ANXA5: variants seen among roughly 807,000 people sequenced by gnomAD.
ANXA5 encodes annexin A5.
ANXA5 carries 40 observed loss-of-function variants against 48.1 expected under a neutral mutation model. The ratio of observed to expected loss-of-function variants is 0.83; its 90% CI spans 0.65 to 1.08. The LOEUF (loss-of-function observed/expected upper bound fraction) is 1.08. Among genes scored for constraint, ANXA5 ranks in the 50% least tolerant of loss-of-function variants. The pLI is 0.00. For missense variants in ANXA5, 357 were observed against 376.8 expected (o/e 0.95, Z 0.44); for synonymous variants, 113 against 129.1 (o/e 0.88, Z 0.85).
At chr4:121,691,350 A>T (rs1047096307) in intron 2 of ANXA5, among the ~76,000 whole-genome samples, 7 of 152,138 alleles carry the variant, frequency 4.6e-5, no homozygotes, top group Admixed American at 1.3e-4. Context: ...AAGACCAACC[A>T]AACAACAAGG....
chr4:121,677,642 C>CA lies in ANXA5; in HGVS notation c.531+251dup, dbSNP rs547946534. 1.1e-3 allele frequency among the ~76,000 whole-genome samples: 164 copies of CA among 149,784 alleles called. 1 individual carries two copies. Among genetic ancestry groups the CA allele is most frequent in the African/African-American group, 3.1e-3 (128 of 40,874 alleles). On this transcript the variant is annotated intron_variant, in intron 8 of 12. Transcript: ENST00000296511. Reference sequence around the variant, plus strand: ...CTATTTTGTGAATGTTCAATAATCACAAAAAAAAACATGTCTAGTTGGAAC... The same window carrying CA: ...CTATTTTGTGAATGTTCAATAATCACAAAAAAAAAACATGTCTAGTTGGAAC...
chr4:121,695,573 T>C (rs2110494351), intron 2 of ANXA5, among the ~76,000 whole-genome samples: 1 of 152,348 alleles, frequency 6.6e-6, no homozygotes, highest in Middle Eastern at 3.4e-3. Flanking sequence ...ATGGTCAATA[T>C]TTAAAGACCT....
In ANXA5 at chr4:121,677,929, C is replaced by T. The variant is rs778739057; in HGVS notation, c.496G>A (p.Gly166Arg). 26 of 1,613,790 alleles carry T rather than the reference C, an allele frequency of 1.6e-5. No homozygotes were observed. The highest frequency in any genetic ancestry group is 2.1e-5 in the Non-Finnish European group (25 of 1,179,770). The change falls in exon 8 of 13, where the codon GGA (glycine) becomes AGA (arginine). Residue 166 changes from glycine (G) to arginine (R), a missense_variant. Coordinates refer to ENST00000296511, the MANE Select transcript of ANXA5 (RefSeq NM_001154.4). ...TGTTCAACTTGAGCTTCATCAATTCCAGCATCAGGGTCTCTGTTAGCCTAT... is the reference window on the plus strand; with the variant it reads ...TGTTCAACTTGAGCTTCATCAATTCTAGCATCAGGGTCTCTGTTAGCCTAT... ...LLQANRDPDA[G>R]IDEAQVEQDA...
chr4:121,695,739 C>T (rs1025796413), intron 2 of ANXA5, among the ~76,000 whole-genome samples: 2 of 151,954 alleles, frequency 1.3e-5, no homozygotes, highest in African/African-American at 4.8e-5. Context: ...CCCGCCTCTA[C>T]TAAAAATACA....
chr4:121,671,515 C>T, intron 10 of ANXA5, 32 bp downstream of exon 10: 1 of 1,523,882 alleles, frequency 6.6e-7, no homozygotes, highest in Non-Finnish European at 9.1e-7. Flanking sequence ...GCTCTTACCA[C>T]CAAAAATATC....
intron 2 of ANXA5, among the ~76,000 whole-genome samples, chr4:121,694,112 G>C (rs1309428217): frequency 7.3e-5 from 8 of 110,014 alleles, no homozygotes; most frequent in Admixed American, 3.5e-4. Flanking sequence ...CGGGGGGGAG[G>C]GGGGAGGGAT....
chr4:121,681,781 G>C lies in ANXA5; in HGVS notation c.304-20C>G, dbSNP rs757431471. Reference sequence around the variant, plus strand: ...AGCTCCCTGTTTGGAGATTTTAATAGAGAAAACATGTCAATAAGATTAAAA... The same window carrying C: ...AGCTCCCTGTTTGGAGATTTTAATACAGAAAACATGTCAATAAGATTAAAA... On this transcript the variant is annotated intron_variant, in intron 5 of 12. Transcript: ENST00000296511. 2 of 1,524,726 alleles carry C rather than the reference G, an allele frequency of 1.3e-6. No individual in the cohort carries two copies. The highest frequency in any genetic ancestry group is 9.1e-7 in the Non-Finnish European group (1 of 1,102,890). 94.4% of individuals were successfully genotyped at this position (1,524,726 alleles called of 1,614,324 possible).
intron 5 of ANXA5, among the ~76,000 whole-genome samples, chr4:121,682,976 TA>T (rs1445152962): frequency 6.6e-5 from 10 of 152,204 alleles, no homozygotes; most frequent in Non-Finnish European, 1.2e-4. Context: ...TCTGAAGCTT[TA>T]CCTTTTAACC....
At chr4:121,674,563 G>C (rs1216298176) in intron 8 of ANXA5, among the ~76,000 whole-genome samples, 1 of 152,096 alleles carries the variant, frequency 6.6e-6, no homozygotes, top group East Asian at 1.9e-4. Context: ...TTCTCTAGTA[G>C]GTACAGGAGT....
rs1350661075 is a variant in ANXA5, at chr4:121,668,030, T to A, written c.*438A>T. 1.3e-5 allele frequency: 2 copies of A among 153,726 alleles called. No individual in the cohort carries two copies. Among genetic ancestry groups the A allele is most frequent in the Non-Finnish European group, 2.9e-5 (2 of 69,166 alleles). The allele number at this position is 153,726 out of a possible 1,614,324, so 9.5% of individuals were successfully genotyped here. A position where few individuals can be genotyped will look rare whatever the true frequency, so the allele number is the denominator to read the frequency against. On this transcript the variant is annotated 3_prime_UTR_variant, in exon 13 of 13. Coordinates refer to ENST00000296511, the MANE Select transcript of ANXA5 (RefSeq NM_001154.4). ...GACAGAAATGTTTATTTTTCATTAA[T>A]CTTTTGAATACAATCATCATAATTT...
At chr4:121,692,992 G>C (rs1298482468) in intron 2 of ANXA5, among the ~76,000 whole-genome samples, 1 of 152,206 alleles carries the variant, frequency 6.6e-6, no homozygotes, top group Non-Finnish European at 1.5e-5. Context: ...CCAGCACTTT[G>C]GGAGGCCGAG....
chr4:121,678,032 C>A, intron 7 of ANXA5, 82 bp from the exon 8 acceptor site: 1 of 991,570 alleles, frequency 1.0e-6, no homozygotes, highest in South Asian at 1.3e-5. Flanking sequence ...GATGGTTATT[C>A]AATAACACTC....
At chr4:121,681,794 A>T in intron 5 of ANXA5, 33 bp from the exon 6 acceptor site, 1 of 1,464,596 alleles carries the variant, frequency 6.8e-7, no homozygotes, top group Non-Finnish European at 9.5e-7. Context: ...AAAACATGTC[A>T]ATAAGATTAA....
intron 8 of ANXA5, among the ~76,000 whole-genome samples, chr4:121,677,226 G>A: frequency 6.6e-6 from 1 of 152,284 alleles, no homozygotes; most frequent in African/African-American, 2.4e-5. Flanking sequence ...TGACCAGAAA[G>A]AGGTCTATGA....
At chr4:121,676,988 G>A (rs774423474) in intron 8 of ANXA5, among the ~76,000 whole-genome samples, 8 of 152,064 alleles carry the variant, frequency 5.3e-5, no homozygotes, top group South Asian at 2.1e-4. Context: ...GAGAGCCCTC[G>A]GTAAACATTC....
intron 2 of ANXA5, among the ~76,000 whole-genome samples, chr4:121,687,786 A>C (rs142223446): frequency 2.7e-4 from 41 of 152,298 alleles, no homozygotes; most frequent in African/African-American, 9.4e-4. Context: ...AGATAGTGAC[A>C]AAGACTCTCC....
chr4:121,667,983 A>G lies in ANXA5; in HGVS notation c.*485T>C, dbSNP rs1236356952. On this transcript the variant is annotated 3_prime_UTR_variant, in exon 13 of 13. Coordinates refer to ENST00000296511, the MANE Select transcript of ANXA5 (RefSeq NM_001154.4). ...TAAATTTAATAATAAATCTAAACAC[A>G]CATGTACACATAATTCAGGGGGACA... 1 of 152,736 alleles carries G rather than the reference A, an allele frequency of 6.5e-6. No homozygotes were observed. Among genetic ancestry groups the G allele is most frequent in the Non-Finnish European group, 1.5e-5 (1 of 68,462 alleles). 9.5% of individuals were successfully genotyped at this position (152,736 alleles called of 1,614,324 possible).
intron 2 of ANXA5, among the ~76,000 whole-genome samples, chr4:121,695,936 G>T (rs1224420919): frequency 6.6e-6 from 1 of 150,770 alleles, no homozygotes; most frequent in Non-Finnish European, 1.5e-5. Context: ...AGTAAAGAAA[G>T]CCTGTAGTAG....
chr4:121,695,304 T>G (rs80091710), intron 2 of ANXA5, among the ~76,000 whole-genome samples: 2,573 of 152,348 alleles, frequency 0.017, 34 homozygotes, highest in East Asian at 0.042. Context: ...GGGATCACTG[T>G]GTAAGTTTCA....
Sources: gnomAD v4.1 joint callset for allele counts (sites outside exome capture counted in the v4.1 genomes callset) on GRCh38, gnomAD v4.1.1 for gene constraint, MANE v1.5 for transcripts, NCBI Gene and HGNC (gene_info 2026-07-23, HGNC 2026-07-21) for gene names.